FUBP3: variants seen among roughly 807,000 people sequenced by gnomAD.
FUBP3 encodes the protein far upstream element-binding protein 3.
FUBP3 carries 28 observed loss-of-function variants against 85.6 expected under a neutral mutation model. The ratio of observed to expected loss-of-function variants is 0.33; its 90% CI spans 0.24 to 0.45. The LOEUF is 0.45. FUBP3 is among the 20% of genes least tolerant of loss of function. The pLI, the probability that FUBP3 is intolerant of heterozygous loss-of-function variation, is 1.00. For missense variants in FUBP3, 583 were observed against 755.1 expected (o/e 0.77, Z 2.67); for synonymous variants, 271 against 271.4 (o/e 1.00, Z 0.01).
At chr9:130,622,985 A>C (rs1169406972) in intron 10 of FUBP3, among the ~76,000 whole-genome samples, 175 bp downstream of exon 10, 2 of 152,122 alleles carry the variant, frequency 1.3e-5, no homozygotes, top group South Asian at 2.1e-4. Flanking sequence ...TTCTTCTCCC[A>C]GCCTTCTTTT....
chr9:130,587,848 C>T (rs912206399), intron 1 of FUBP3, among the ~76,000 whole-genome samples: 6 of 152,088 alleles, frequency 3.9e-5, no homozygotes, highest in African/African-American at 9.7e-5. Flanking sequence ...ATAACATACT[C>T]GGTGAGAGTA....
At position 130,623,717 on chromosome 9, in the gene FUBP3, T is replaced by G. The variant is rs375805534; in HGVS notation, c.975+6T>G. ...AGCTGATTCTTACAGCCCAGGTGGGTCCAGCTCTGCAGAGTGTGAGTGTTT... is the reference window on the plus strand; with the variant it reads ...AGCTGATTCTTACAGCCCAGGTGGGGCCAGCTCTGCAGAGTGTGAGTGTTT... On this transcript the variant is annotated splice_donor_region_variant and intron_variant, in intron 11 of 18. Transcript: ENST00000319725. 5.1e-5 allele frequency: 81 copies of G among 1,594,706 alleles called. No homozygotes were observed. The highest frequency in any genetic ancestry group is 6.8e-5 in the Non-Finnish European group (79 of 1,162,996).
chr9:130,579,793 CG>C, intron 1 of FUBP3, 29 bp downstream of exon 1: 5 of 1,233,218 alleles, frequency 4.1e-6, no homozygotes, highest in Non-Finnish European at 5.1e-6. Context: ...GGCAGGAGCA[CG>C]AGATCCCGAG....
At chr9:130,600,417 T>C (rs1831099452) in intron 2 of FUBP3, among the ~76,000 whole-genome samples, 1 of 152,164 alleles carries the variant, frequency 6.6e-6, no homozygotes, top group Non-Finnish European at 1.5e-5. Context: ...GAAAAGTAAG[T>C]TCCAAATTTA....
chr9:130,631,084 C>A, intron 13 of FUBP3: 1 of 1,085,748 alleles, frequency 9.2e-7, no homozygotes, highest in Non-Finnish European at 1.2e-6. Context: ...CAGCCTCCCC[C>A]CACGCTGCCC....
At chr9:130,591,797 T>G (rs1830637685) in intron 1 of FUBP3, among the ~76,000 whole-genome samples, 2 of 152,218 alleles carry the variant, frequency 1.3e-5, no homozygotes, top group African/African-American at 4.8e-5. Context: ...AGAACACTTG[T>G]TGATTTAATC....
chr9:130,637,913 T>C lies in FUBP3; in HGVS notation c.*891T>C, dbSNP rs1478971319. ...AACTATTTTTAATTCCAAGGTGTTG[T>C]TTGCTTTTTTCTTTTAAATATTTTC... is the stretch of plus-strand genomic sequence containing the variant. On this transcript the variant is annotated 3_prime_UTR_variant, in exon 19 of 19. Transcript: ENST00000319725. The C allele has an allele frequency of 1.3e-5, 2 of 152,624 alleles. No individual in the cohort carries two copies. Among genetic ancestry groups the C allele is most frequent in the African/African-American group, 2.4e-5 (1 of 41,446 alleles). The allele number at this position is 152,624 out of a possible 1,614,324, so 9.5% of individuals were successfully genotyped here. A position where few individuals can be genotyped will look rare whatever the true frequency, so the allele number is the denominator to read the frequency against.
chr9:130,601,236 A>G (rs529003786), intron 2 of FUBP3, among the ~76,000 whole-genome samples: 54 of 152,312 alleles, frequency 3.5e-4, no homozygotes, highest in African/African-American at 1.3e-3. Flanking sequence ...TTCTTTAAAC[A>G]AGTCTCCCGT....
At position 130,583,748 on chromosome 9, in the gene FUBP3, G is replaced by C. The variant is rs1433790487; in HGVS notation, c.84+3984G>C. Among the ~76,000 whole-genome samples the C allele has an allele frequency of 3.9e-5, 6 of 152,262 alleles. No individual in the cohort carries two copies. The South Asian group carries it at 1.0e-3, about 26-fold the overall frequency. ...TAAAGGGTTTTGGTGATGTCACTGA[G>C]TGTGTGTGCGCCACCACATGTTAAT... is the stretch of plus-strand genomic sequence containing the variant. On this transcript the variant is annotated intron_variant, in intron 1 of 18. Coordinates refer to ENST00000319725, the MANE Select transcript of FUBP3 (RefSeq NM_003934.2).
chr9:130,608,760 G>A (rs1039256793), intron 2 of FUBP3, among the ~76,000 whole-genome samples: 2 of 152,194 alleles, frequency 1.3e-5, no homozygotes, highest in Admixed American at 1.3e-4. Flanking sequence ...TATTGACTTA[G>A]TAGCTTCGTT....
At chr9:130,581,743 G>C (rs1218698638) in intron 1 of FUBP3, 5 of 152,140 alleles carry the variant, frequency 3.3e-5, no homozygotes, top group Admixed American at 6.5e-5. Flanking sequence ...TAAACGCAAA[G>C]CTTTTTCCCC....
intron 2 of FUBP3, among the ~76,000 whole-genome samples, chr9:130,606,392 C>T (rs1026293234): frequency 6.6e-6 from 1 of 152,170 alleles, no homozygotes; most frequent in Non-Finnish European, 1.5e-5. Context: ...CTCCCCACCC[C>T]CCCCCAACAG....
chr9:130,634,279 TG>T (rs1213920892), intron 16 of FUBP3, among the ~76,000 whole-genome samples: 1 of 152,162 alleles, frequency 6.6e-6, no homozygotes, highest in Non-Finnish European at 1.5e-5. Context: ...CCACTTCCCT[TG>T]GTCCAGAGGC....
chr9:130,611,366 C>G (rs1450880531), intron 3 of FUBP3, among the ~76,000 whole-genome samples: 1 of 152,114 alleles, frequency 6.6e-6, no homozygotes, highest in African/African-American at 2.4e-5. Flanking sequence ...CATGGTGTTA[C>G]TGATTAGGAA....
At chr9:130,579,801 C>G (rs1226908122) in intron 1 of FUBP3, 37 bp downstream of exon 1, 27 of 1,200,992 alleles carry the variant, frequency 2.2e-5, no homozygotes, top group African/African-American at 3.1e-5. Context: ...CACGAGATCC[C>G]GAGGCGGGGC....
chr9:130,626,550 T>C, intron 12 of FUBP3, 45 bp downstream of exon 12: 3 of 1,597,888 alleles, frequency 1.9e-6, no homozygotes, highest in Non-Finnish European at 2.6e-6. Context: ...GCTGTTTGGC[T>C]TGAGGGAAGG....
At chr9:130,634,320 C>T (rs150860411) in intron 16 of FUBP3, among the ~76,000 whole-genome samples, 1 of 152,346 alleles carries the variant, frequency 6.6e-6, no homozygotes, top group Non-Finnish European at 1.5e-5. Context: ...CAGAGGGCCA[C>T]GCGAAGAGAG....
chr9:130,623,790 A>G (rs1270535594), intron 11 of FUBP3, 79 bp downstream of exon 11: 3 of 858,470 alleles, frequency 3.5e-6, no homozygotes, highest in Non-Finnish European at 5.6e-6. Flanking sequence ...GTGCAGCACC[A>G]TAGAGCTGTC....
chr9:130,612,970 G>A lies in FUBP3; in HGVS notation c.289G>A (p.Gly97Ser), dbSNP rs1467472429. The change falls in exon 5 of 19, where the codon GGT (glycine) becomes AGT (serine). Residue 97 changes from glycine to serine, a missense_variant. By Grantham distance (56) the Gly-to-Ser change is moderately conservative. This residue lies in a region of FUBP3 where 177 missense variants were observed against 221.9 expected (regional missense o/e 0.80). Coordinates refer to ENST00000319725, the MANE Select transcript of FUBP3 (RefSeq NM_003934.2). This position sits in a 1 kb window ranked among gnomAD's most constrained non-coding sequence, Gnocchi z 4.1. ...ATTTGTTTCAGTTATCGGCAGGGGA[G>A]GTGAGCAGATTTCACGGATTCAAGC... Reference protein sequence around the residue: ...KMVGFIIGRGGEQISRIQAES... With the variant: ...KMVGFIIGRGSEQISRIQAES... 6.2e-7 allele frequency: 1 copy of A among 1,612,068 alleles called. No homozygotes were observed. The highest frequency in any genetic ancestry group is 1.7e-5 in the Admixed American group (1 of 60,014).
Sources: allele counts gnomAD v4.1 joint callset (sites outside exome capture counted in the v4.1 genomes callset), GRCh38; gene constraint gnomAD v4.1.1; regional missense constraint gnomAD v4.1.1; non-coding constraint Gnocchi (gnomAD v3.1); transcripts MANE v1.5; gene names NCBI Gene and HGNC (gene_info 2026-07-23, HGNC 2026-07-21).